The following MCTP1 variants were observed in gnomAD, a reference collection of about 807,000 sequenced individuals.
MCTP1 encodes the protein multiple C2 and transmembrane domain containing 1.
MCTP1 carries 69 observed loss-of-function variants against 120.6 expected under a neutral mutation model. The observed-to-expected ratio is 0.57, with a 90% CI of 0.47 to 0.70. The LOEUF (loss-of-function observed/expected upper bound fraction) is 0.70. MCTP1 is among the 30% of genes least tolerant of loss of function. MCTP1 has a pLI of 0.00. For synonymous variants in MCTP1, 529 were observed against 493.1 expected, an observed-to-expected ratio of 1.07 and a Z score of -0.96; for missense variants, 1,203 against 1,248.8, an observed-to-expected ratio of 0.96 and a Z score of 0.55.
intron 18 of MCTP1, among the ~76,000 whole-genome samples, chr5:94,790,584 G>A (rs1023434739): frequency 6.6e-6 from 1 of 152,256 alleles, no homozygotes; most frequent in African/African-American, 2.4e-5. Context: ...CAAAGGGGAC[G>A]GGTACTGCTA....
At chr5:95,172,383 G>A (rs562431242) in intron 1 of MCTP1, among the ~76,000 whole-genome samples, 36 of 152,302 alleles carry the variant, frequency 2.4e-4, no homozygotes, top group South Asian at 8.3e-4. Context: ...CAGTCTGTCC[G>A]TTCTCAGATC....
At chr5:94,846,390 T>C (rs1267688550) in intron 17 of MCTP1, among the ~76,000 whole-genome samples, 2 of 151,746 alleles carry the variant, frequency 1.3e-5, no homozygotes, top group African/African-American at 4.8e-5. Flanking sequence ...CTCAGCAAAC[T>C]AACAAAGAAA....
At chr5:95,076,613 T>G (rs1188776463) in intron 1 of MCTP1, among the ~76,000 whole-genome samples, 1 of 152,148 alleles carries the variant, frequency 6.6e-6, no homozygotes, top group African/African-American at 2.4e-5. Flanking sequence ...GTCCACTGAT[T>G]GCTGACTTAG....
In MCTP1 at chr5:94,870,281, C is replaced by T. The variant is rs1797589098; in HGVS notation, c.2316+136G>A. On this transcript the variant is annotated intron_variant, in intron 16 of 22. Coordinates refer to ENST00000515393, the MANE Select transcript of MCTP1 (RefSeq NM_024717.7). The stretch of plus-strand genomic sequence containing the variant: ...GAATCAGAAAGAATGAAAGAAAGCG[C>T]CATTTTCAATAAGTAGATGATCAAA... 37 of 585,484 alleles carry T rather than the reference C, an allele frequency of 6.3e-5. 1 individual carries two copies. The Middle Eastern group carries it at 1.8e-3, about 29-fold the overall frequency. The allele number at this position is 585,484 out of a possible 1,614,324, so 36.3% of individuals were successfully genotyped here.
chr5:95,159,335 T>C (rs1446007170), intron 1 of MCTP1, among the ~76,000 whole-genome samples: 1 of 152,244 alleles, frequency 6.6e-6, no homozygotes, highest in Admixed American at 6.5e-5. Context: ...TAATAGTTGC[T>C]TTCTCTCAAT....
intron 1 of MCTP1, among the ~76,000 whole-genome samples, chr5:95,129,670 T>C (rs946908325): frequency 6.6e-6 from 1 of 151,916 alleles, no homozygotes; most frequent in Non-Finnish European, 1.5e-5. Flanking sequence ...ACATTTTCTT[T>C]TTTTTTTGAG....
intron 1 of MCTP1, among the ~76,000 whole-genome samples, chr5:95,254,797 A>G (rs1338575049): frequency 1.3e-5 from 2 of 152,176 alleles, no homozygotes; most frequent in African/African-American, 2.4e-5. Flanking sequence ...TGACACTTCC[A>G]CTCACCAGTT....
At chr5:95,255,970 T>C (rs114068480) in intron 1 of MCTP1, among the ~76,000 whole-genome samples, 2,659 of 152,232 alleles carry the variant, frequency 0.017, 37 homozygotes, top group Non-Finnish European at 0.025. Context: ...GAGGCATTCA[T>C]GCCTAAACAG....
intron 6 of MCTP1, among the ~76,000 whole-genome samples, chr5:94,930,080 A>G (rs1814191001): frequency 6.6e-6 from 1 of 152,044 alleles, no homozygotes; most frequent in Non-Finnish European, 1.5e-5. Context: ...TCGAATATAT[A>G]AATGGATTGC....
At chr5:95,172,126 CA>C (rs1270849252) in intron 1 of MCTP1, among the ~76,000 whole-genome samples, 2 of 152,196 alleles carry the variant, frequency 1.3e-5, no homozygotes, top group Non-Finnish European at 2.9e-5. Flanking sequence ...TTCCTTCTAA[CA>C]GTCAGGACCC....
At chr5:94,782,393 C>G (rs255371) in intron 18 of MCTP1, among the ~76,000 whole-genome samples, 62,536 of 151,856 alleles carry the variant, frequency 0.41, 13,241 homozygotes, top group East Asian at 0.64. Flanking sequence ...ATGATGCTTT[C>G]ACAACTAATT....
intron 19 of MCTP1, among the ~76,000 whole-genome samples, chr5:94,738,078 G>A (rs140408691): frequency 1.1e-4 from 16 of 152,352 alleles, no homozygotes; most frequent in African/African-American, 3.6e-4. Context: ...AGTGGCACTT[G>A]TGGCAAACTG....
intron 17 of MCTP1, among the ~76,000 whole-genome samples, chr5:94,847,210 G>C (rs1328288787): frequency 1.3e-5 from 2 of 152,086 alleles, no homozygotes; most frequent in African/African-American, 4.8e-5. Flanking sequence ...TACATCAAAG[G>C]CTGAGAAGCA....
At chr5:94,845,851 GCAAA>G (rs933597203) in intron 17 of MCTP1, among the ~76,000 whole-genome samples, 4 of 152,044 alleles carry the variant, frequency 2.6e-5, no homozygotes, top group African/African-American at 9.7e-5. Flanking sequence ...ACACCCAGCT[GCAAA>G]CAGACACTTT....
At chr5:94,940,616 G>GTATATATATATACACATATA (rs959736219) in intron 4 of MCTP1, among the ~76,000 whole-genome samples, 1 of 142,056 alleles carries the variant, frequency 7.0e-6, no homozygotes, top group Admixed American at 7.1e-5. Context: ...ACATATATAT[G>GTATATATATATACACATATA]TGTATATATA....
At chr5:94,999,737 A>G (rs1833300018) in intron 2 of MCTP1, among the ~76,000 whole-genome samples, 1 of 152,216 alleles carries the variant, frequency 6.6e-6, no homozygotes, top group African/African-American at 2.4e-5. Context: ...TGGAAACATC[A>G]TTCTCAGAAT....
intron 19 of MCTP1, among the ~76,000 whole-genome samples, chr5:94,730,994 G>A (rs1007251991): frequency 4.0e-5 from 6 of 151,686 alleles, no homozygotes; most frequent in Non-Finnish European, 7.4e-5. Context: ...ATAAAATCAA[G>A]TACCTCTGTT....
At chr5:94,762,613 T>C (rs1300810772) in intron 19 of MCTP1, among the ~76,000 whole-genome samples, 1 of 152,226 alleles carries the variant, frequency 6.6e-6, no homozygotes, top group Non-Finnish European at 1.5e-5. Flanking sequence ...CAGAATGGGC[T>C]GTGGGTACAC....
rs189037250 is a variant in MCTP1, at chr5:95,076,968, T to C, written c.721-59484A>G. On this transcript the variant is annotated intron_variant, in intron 1 of 22. Transcript: ENST00000515393. ...GTATTCCCTCCCCGCCTTGTAAACT[T>C]GAAACAATAACATCTTAATACCATC... Among the ~76,000 whole-genome samples the C allele has an allele frequency of 2.6e-3, 391 of 152,300 alleles. 4 individuals are homozygous for C. Among genetic ancestry groups the C allele is most frequent in the African/African-American group, 9.2e-3 (382 of 41,550 alleles).
Sources: gnomAD v4.1 joint callset for allele counts (sites outside exome capture counted in the v4.1 genomes callset) on GRCh38, gnomAD v4.1.1 for gene constraint, MANE v1.5 for transcripts, NCBI Gene and HGNC (gene_info 2026-07-23, HGNC 2026-07-21) for gene names.